ACOXL: variants seen among roughly 807,000 people sequenced by gnomAD.
ACOXL encodes the protein acyl-CoA oxidase like.
Under a neutral mutation model 71.9 loss-of-function variants are expected in ACOXL, and 70 were observed. The observed-to-expected ratio is 0.97, with a 90% CI of 0.80 to 1.19. The LOEUF (loss-of-function observed/expected upper bound fraction) is 1.19. Among genes scored for constraint, ACOXL ranks in the 50% most tolerant of loss-of-function variants. ACOXL has a pLI of 0.00. For synonymous variants in ACOXL, 253 were observed against 281.6 expected (o/e 0.90, Z 1.02); for missense variants, 703 against 736.3 (o/e 0.95, Z 0.52).
chr2:110,939,547 C>T (rs2060793339), intron 12 of ACOXL, among the ~76,000 whole-genome samples: 1 of 152,186 alleles, frequency 6.6e-6, no homozygotes, highest in Non-Finnish European at 1.5e-5. Context: ...TGCATTCAAT[C>T]AATTCCTCAG....
intron 10 of ACOXL, among the ~76,000 whole-genome samples, chr2:110,901,631 A>G (rs549761140): frequency 6.5e-5 from 9 of 138,186 alleles, no homozygotes; most frequent in African/African-American, 2.4e-4. Context: ...AAAGAAGCAT[A>G]TATCTCTACG....
At position 111,003,550 on chromosome 2, in the gene ACOXL, C is replaced by CAAA. The variant is rs548001377; in HGVS notation, c.1281+7573_1281+7575dup. On this transcript the variant is annotated intron_variant, in intron 14 of 17. Coordinates refer to ENST00000439055, the MANE Select transcript of ACOXL (RefSeq NM_001142807.4). ...TGGGCGACAGGGCGAGACTCTGTCT[C>CAAA]AAAAAAAAAAAAAAAAAAAAAAAAA... Among the ~76,000 whole-genome samples, 85 of 35,332 alleles carry CAAA rather than the reference C, an allele frequency of 2.4e-3. 11 individuals are homozygous for CAAA. Among genetic ancestry groups the CAAA allele is most frequent in the African/African-American group, 4.3e-3 (44 of 10,270 alleles). 23.2% of individuals were successfully genotyped at this position (35,332 alleles called of 152,430 possible).
intron 10 of ACOXL, among the ~76,000 whole-genome samples, chr2:110,893,297 G>A (rs1261322076): frequency 6.6e-6 from 1 of 151,802 alleles, no homozygotes; most frequent in Non-Finnish European, 1.5e-5. Flanking sequence ...GTATATAAAA[G>A]GGCAAGCTAT....
At chr2:111,006,668 C>T (rs895210364) in intron 14 of ACOXL, among the ~76,000 whole-genome samples, 2 of 151,962 alleles carry the variant, frequency 1.3e-5, no homozygotes, top group Non-Finnish European at 2.9e-5. Flanking sequence ...AAGCTATTCT[C>T]TTGCCTCAGC....
chr2:110,787,557 A>G (rs1684144131), intron 3 of ACOXL, among the ~76,000 whole-genome samples: 1 of 151,696 alleles, frequency 6.6e-6, no homozygotes, highest in Non-Finnish European at 1.5e-5. Flanking sequence ...AAAAAAGAAA[A>G]AGAAAAAAAA....
chr2:111,017,360 G>A (rs2064504487), intron 14 of ACOXL, among the ~76,000 whole-genome samples: 1 of 152,180 alleles, frequency 6.6e-6, no homozygotes, highest in Non-Finnish European at 1.5e-5. Context: ...CAATCTTACC[G>A]CAGAACTGAG....
chr2:110,997,805 A>G (rs1476176997), intron 14 of ACOXL, among the ~76,000 whole-genome samples: 1 of 152,356 alleles, frequency 6.6e-6, no homozygotes, highest in African/African-American at 2.4e-5. Flanking sequence ...CTGCAATTCC[A>G]GCACTTCGGG....
At chr2:110,941,602 A>G (rs2060872728) in intron 12 of ACOXL, among the ~76,000 whole-genome samples, 1 of 152,228 alleles carries the variant, frequency 6.6e-6, no homozygotes, top group Non-Finnish European at 1.5e-5. Flanking sequence ...TAAAAGAACA[A>G]AGATGAGGAT....
intron 14 of ACOXL, among the ~76,000 whole-genome samples, chr2:111,021,049 C>T (rs772351292): frequency 1.3e-5 from 2 of 152,186 alleles, no homozygotes; most frequent in African/African-American, 4.8e-5. Context: ...CTCAGGGGCA[C>T]GCCTCCCTAG....
At chr2:110,882,841 T>C (rs1239233206) in intron 10 of ACOXL, among the ~76,000 whole-genome samples, 3 of 152,214 alleles carry the variant, frequency 2.0e-5, no homozygotes, top group Non-Finnish European at 4.4e-5. Context: ...ATTTTGATAG[T>C]GCATATTTCT....
At chr2:110,900,217 C>CT (rs11454408) in intron 10 of ACOXL, among the ~76,000 whole-genome samples, 47,240 of 151,730 alleles carry the variant, frequency 0.31, 7,725 homozygotes, top group Middle Eastern at 0.37. Flanking sequence ...GTAGAAGAGA[C>CT]TTTAACCCTG....
intron 7 of ACOXL, among the ~76,000 whole-genome samples, chr2:110,799,599 C>T (rs779772638): frequency 4.9e-4 from 75 of 152,160 alleles, no homozygotes; most frequent in Admixed American, 8.5e-4. Context: ...TCCAAGATGA[C>T]GGTATCAGCA....
intron 11 of ACOXL, among the ~76,000 whole-genome samples, chr2:110,913,695 T>A (rs1031336276): frequency 1.3e-5 from 2 of 152,194 alleles, no homozygotes; most frequent in South Asian, 2.1e-4. Flanking sequence ...TGGCTCATAA[T>A]TCTGCAGGCT....
chr2:110,761,480 AAG>A (rs1175115822), intron 1 of ACOXL, among the ~76,000 whole-genome samples: 2 of 152,212 alleles, frequency 1.3e-5, no homozygotes, highest in Non-Finnish European at 2.9e-5. Flanking sequence ...ATGACTAACT[AAG>A]AGAGTGGCAC....
chr2:110,899,348 G>A (rs1471930535), intron 10 of ACOXL, among the ~76,000 whole-genome samples: 2 of 152,216 alleles, frequency 1.3e-5, no homozygotes, highest in Non-Finnish European at 2.9e-5. Flanking sequence ...CCTGGAGAAT[G>A]TTGGGGTTCT....
chr2:111,058,186 T>C (rs973315186), intron 16 of ACOXL, among the ~76,000 whole-genome samples: 11 of 152,104 alleles, frequency 7.2e-5, no homozygotes. Flanking sequence ...CTAAAGTTAG[T>C]GGGAGGAGAG....
intron 12 of ACOXL, among the ~76,000 whole-genome samples, chr2:110,960,724 TTAC>T (rs2061672171): frequency 6.6e-6 from 1 of 151,918 alleles, no homozygotes; most frequent in Admixed American, 6.5e-5. Flanking sequence ...TGCTTGTGTA[TTAC>T]TTTTAGTAAT....
At chr2:110,788,890 C>T (rs1684308947) in intron 3 of ACOXL, among the ~76,000 whole-genome samples, 1 of 152,228 alleles carries the variant, frequency 6.6e-6, no homozygotes, top group Non-Finnish European at 1.5e-5. Context: ...AGCTCTGGGT[C>T]AGTCAGGGGT....
Position 110,947,893 on chromosome 2 carries a change from A to T in ACOXL, c.1059+14251A>T, listed in dbSNP as rs528336661. 3.0e-4 allele frequency among the ~76,000 whole-genome samples: 46 copies of T among 152,318 alleles called. 1 individual carries two copies. The highest frequency in any genetic ancestry group is 1.1e-3 in the African/African-American group (46 of 41,580). ...TGTCTCCTGGCCCTTGTGTTACCTGAGCCCGGATGCCCATGGCCAGGGCCG... is the reference window on the plus strand; with the variant it reads ...TGTCTCCTGGCCCTTGTGTTACCTGTGCCCGGATGCCCATGGCCAGGGCCG... On this transcript the variant is annotated intron_variant, in intron 12 of 17. Transcript: ENST00000439055.
Sources: allele counts gnomAD v4.1 joint callset (sites outside exome capture counted in the v4.1 genomes callset), GRCh38; gene constraint gnomAD v4.1.1; transcripts MANE v1.5; gene names NCBI Gene and HGNC (gene_info 2026-07-23, HGNC 2026-07-21).